Variants in NTM observed in about 807,000 individuals in gnomAD.
NTM encodes the protein neurotrimin.
Under a neutral mutation model 42.1 loss-of-function variants are expected in NTM, and 13 were observed. That is an observed-to-expected ratio of 0.31 (90% CI 0.20 to 0.49). The LOEUF (loss-of-function observed/expected upper bound fraction) is 0.49. Ranked by LOEUF, NTM falls within the 20% of genes least tolerant of loss-of-function variation. The pLI is 0.99. For synonymous variants in NTM, 187 were observed against 179.2 expected (o/e 1.04, Z -0.35); for missense variants, 373 against 452.8 (o/e 0.82, Z 1.60).
chr11:132,185,148 G>A (rs970619634), intron 3 of NTM, among the ~76,000 whole-genome samples: 1 of 152,130 alleles, frequency 6.6e-6, no homozygotes, highest in African/African-American at 2.4e-5. Context: ...CTCACTGCTG[G>A]AAGACATTTC....
At chr11:131,799,204 C>A (rs1057386867) in intron 1 of NTM, among the ~76,000 whole-genome samples, 1 of 152,116 alleles carries the variant, frequency 6.6e-6, no homozygotes, top group Admixed American at 6.5e-5. Flanking sequence ...CTATATCCCA[C>A]CCTACCCCAC....
intron 1 of NTM, among the ~76,000 whole-genome samples, chr11:131,797,937 C>A (rs952726681): frequency 6.6e-6 from 1 of 152,002 alleles, no homozygotes; most frequent in Non-Finnish European, 1.5e-5. Flanking sequence ...ACGCATTCAA[C>A]TCGGTTTTGT....
intron 1 of NTM, among the ~76,000 whole-genome samples, chr11:131,445,639 G>A (rs1463424727): frequency 6.6e-6 from 1 of 152,196 alleles, no homozygotes. Context: ...AGGTGTACTA[G>A]TGTAAGTGAC....
chr11:132,327,619 C>G (rs1345782636), intron 7 of NTM, among the ~76,000 whole-genome samples: 1 of 152,204 alleles, frequency 6.6e-6, no homozygotes, highest in Non-Finnish European at 1.5e-5. Context: ...TAGAGCCAGA[C>G]AACAGCCCTT....
At chr11:131,675,309 C>T (rs1322143621) in intron 1 of NTM, among the ~76,000 whole-genome samples, 1 of 152,162 alleles carries the variant, frequency 6.6e-6, no homozygotes, top group Non-Finnish European at 1.5e-5. Context: ...GTGGTTTTCC[C>T]AACACATTTT....
chr11:131,900,255 G>A (rs1657176151), intron 1 of NTM, among the ~76,000 whole-genome samples: 2 of 152,236 alleles, frequency 1.3e-5, no homozygotes, highest in Admixed American at 1.3e-4. Flanking sequence ...TGAGGAATTA[G>A]AAGTGTAATA....
intron 2 of NTM, among the ~76,000 whole-genome samples, chr11:131,997,744 T>C (rs1206329801): frequency 6.6e-6 from 1 of 152,182 alleles, no homozygotes; most frequent in Non-Finnish European, 1.5e-5. Context: ...CTCTCGAGCC[T>C]GTGATTCCCT....
At chr11:132,262,173 C>A (rs1472671375) in intron 4 of NTM, among the ~76,000 whole-genome samples, 1 of 152,220 alleles carries the variant, frequency 6.6e-6, no homozygotes, top group Admixed American at 6.5e-5. Context: ...CCAGGAGTCT[C>A]TCCAGGGCAG....
intron 1 of NTM, among the ~76,000 whole-genome samples, chr11:131,688,577 T>A (rs2074240380): frequency 6.6e-6 from 1 of 152,228 alleles, no homozygotes; most frequent in Non-Finnish European, 1.5e-5. Context: ...GGCTGCCCCC[T>A]CTGTGCCCCG....
intron 1 of NTM, among the ~76,000 whole-genome samples, chr11:131,683,279 T>G (rs912830892): frequency 2.6e-5 from 4 of 152,074 alleles, no homozygotes; most frequent in African/African-American, 9.7e-5. Context: ...TCCTCTGAAG[T>G]GAGGTGAGAA....
intron 4 of NTM, among the ~76,000 whole-genome samples, chr11:132,286,689 G>A (rs577781091): frequency 1.3e-5 from 2 of 152,174 alleles, no homozygotes; most frequent in East Asian, 1.9e-4. Context: ...CAGAATGACC[G>A]CATGGCTCTA....
intron 2 of NTM, among the ~76,000 whole-genome samples, chr11:132,057,537 C>T (rs2079893761): frequency 6.6e-6 from 1 of 152,284 alleles, no homozygotes; most frequent in South Asian, 2.1e-4. Flanking sequence ...GTGTCCACCA[C>T]GAGTCCCCTT....
chr11:131,861,976 G>A (rs917626066), intron 1 of NTM, among the ~76,000 whole-genome samples: 6 of 152,174 alleles, frequency 3.9e-5, no homozygotes, highest in Admixed American at 1.3e-4. Flanking sequence ...CCCAGGGGAG[G>A]CATCCAGCTC....
Position 132,212,002 on chromosome 11 carries a change from A to C in NTM, c.401-20A>C. ...ATGTTTCAGGAGGATTTTTATTTTC[A>C]TTCTGTCTTGTTTCCACAGTATCTC... is the stretch of plus-strand genomic sequence containing the variant. On this transcript the variant is annotated intron_variant, in intron 3 of 8. Transcript: ENST00000683400. 6.2e-7 allele frequency: 1 copy of C among 1,600,924 alleles called. No homozygotes were observed. The highest frequency in any genetic ancestry group is 8.5e-7 in the Non-Finnish European group (1 of 1,175,564).
chr11:132,204,075 G>A (rs943988053), intron 3 of NTM, among the ~76,000 whole-genome samples: 4 of 152,216 alleles, frequency 2.6e-5, no homozygotes, highest in Non-Finnish European at 5.9e-5. Context: ...TTTCAGCAGT[G>A]AAAGTTTTAT....
intron 1 of NTM, among the ~76,000 whole-genome samples, chr11:131,826,177 C>A (rs2042103286): frequency 1.3e-5 from 2 of 151,866 alleles, no homozygotes; most frequent in Admixed American, 1.3e-4. Context: ...GAAAATAGTT[C>A]AAAAAGGGGC....
At chr11:131,598,875 T>TCTTCCTTC (rs869056003) in intron 1 of NTM, among the ~76,000 whole-genome samples, 835 of 34,950 alleles carry the variant, frequency 0.024, 110 homozygotes, top group East Asian at 0.052. Flanking sequence ...CTTCCTTCCT[T>TCTTCCTTC]CTTCCTTCCT....
chr11:131,770,668 G>A (rs1304329179), intron 1 of NTM: 1 of 152,180 alleles, frequency 6.6e-6, no homozygotes, highest in Non-Finnish European at 1.5e-5. Flanking sequence ...TAAATTCTGA[G>A]CTTCACGAAA....
intron 4 of NTM, among the ~76,000 whole-genome samples, chr11:132,283,037 A>C (rs1389254304): frequency 7.4e-6 from 1 of 135,076 alleles, no homozygotes; most frequent in Non-Finnish European, 1.5e-5. Context: ...TCCATGCCAA[A>C]GTGCAGTGGC....
Sources: gnomAD v4.1 joint callset for allele counts (sites outside exome capture counted in the v4.1 genomes callset) on GRCh38, gnomAD v4.1.1 for gene constraint, MANE v1.5 for transcripts, NCBI Gene and HGNC (gene_info 2026-07-23, HGNC 2026-07-21) for gene names.